DIAPH3: variants seen among roughly 807,000 people sequenced by gnomAD.
DIAPH3 encodes protein diaphanous homolog 3.
Under a neutral mutation model 144.3 loss-of-function variants are expected in DIAPH3, and 117 were observed. The ratio of observed to expected loss-of-function variants is 0.81; its 90% CI spans 0.70 to 0.95. The LOEUF is 0.95. DIAPH3 is among the 40% of genes least tolerant of loss of function. DIAPH3 has a pLI of 0.00. For missense variants in DIAPH3, 1,421 were observed against 1,412.7 expected (o/e 1.01, Z -0.09); for synonymous variants, 519 against 488.9 (o/e 1.06, Z -0.81).
At chr13:59,957,181 G>A (rs2049458104) in intron 17 of DIAPH3, among the ~76,000 whole-genome samples, 1 of 152,130 alleles carries the variant, frequency 6.6e-6, no homozygotes, top group South Asian at 2.1e-4. Context: ...GAAATGTGAG[G>A]ACGTGATATT....
At chr13:59,893,364 T>C (rs1318140316) in intron 20 of DIAPH3, among the ~76,000 whole-genome samples, 1 of 152,162 alleles carries the variant, frequency 6.6e-6, no homozygotes, top group Non-Finnish European at 1.5e-5. Context: ...TAAAATACTA[T>C]AAATGTGATA....
intron 5 of DIAPH3, among the ~76,000 whole-genome samples, chr13:60,028,055 C>T (rs1045778895): frequency 1.3e-5 from 2 of 152,144 alleles, no homozygotes; most frequent in African/African-American, 4.8e-5. Context: ...CTCCACAGAA[C>T]TGCCTTTGTA....
At chr13:59,996,399 G>A (rs2052191017) in intron 9 of DIAPH3, among the ~76,000 whole-genome samples, 1 of 152,030 alleles carries the variant, frequency 6.6e-6, no homozygotes, top group African/African-American at 2.4e-5. Context: ...AGCCAATACT[G>A]TAAGCTCACT....
intron 25 of DIAPH3, among the ~76,000 whole-genome samples, chr13:59,803,265 TA>T (rs1362397398): frequency 2.6e-5 from 4 of 152,140 alleles, no homozygotes; most frequent in Non-Finnish European, 5.9e-5. Context: ...AAATTATGAA[TA>T]AGTGATGTTA....
At chr13:59,683,263 G>C (rs922288774) in intron 27 of DIAPH3, among the ~76,000 whole-genome samples, 3 of 152,078 alleles carry the variant, frequency 2.0e-5, no homozygotes, top group African/African-American at 7.2e-5. Flanking sequence ...TGAGTAGTCA[G>C]TCAAACCTCT....
chr13:59,749,519 CAAAAA>C (rs60918644), intron 27 of DIAPH3, among the ~76,000 whole-genome samples: 1 of 51,230 alleles, frequency 2.0e-5, no homozygotes, highest in Admixed American at 2.5e-4. Context: ...GACTCCATCT[CAAAAA>C]AAAAAAAAAA....
At chr13:59,918,223 A>G (rs78355282) in intron 18 of DIAPH3, among the ~76,000 whole-genome samples, 100 of 150,702 alleles carry the variant, frequency 6.6e-4, no homozygotes, top group Admixed American at 2.1e-3. Context: ...AAAAAAAAAA[A>G]AGAGAGAGAG....
intron 7 of DIAPH3, among the ~76,000 whole-genome samples, chr13:60,013,570 AT>A (rs2053428060): frequency 6.6e-6 from 1 of 152,186 alleles, no homozygotes; most frequent in Non-Finnish European, 1.5e-5. Context: ...CGCAATTAAA[AT>A]TCTCTTCCAT....
intron 9 of DIAPH3, among the ~76,000 whole-genome samples, chr13:59,996,163 A>G (rs979420620): frequency 6.6e-5 from 10 of 152,052 alleles, no homozygotes; most frequent in African/African-American, 2.4e-4. Context: ...AATAGTTTCT[A>G]CAAAGGGATA....
intron 9 of DIAPH3, among the ~76,000 whole-genome samples, chr13:60,003,871 C>T (rs548151382): frequency 7.2e-5 from 11 of 152,140 alleles, no homozygotes; most frequent in Admixed American, 6.5e-4. Context: ...TGGGCCACCA[C>T]GCACGGCCCC....
chr13:59,688,860 T>C (rs577396926), intron 27 of DIAPH3, among the ~76,000 whole-genome samples: 2 of 152,202 alleles, frequency 1.3e-5, no homozygotes, highest in South Asian at 4.1e-4. Flanking sequence ...GCCACACTCA[T>C]GCAGATGAAT....
At chr13:59,843,372 G>C (rs1210284061) in intron 22 of DIAPH3, among the ~76,000 whole-genome samples, 1 of 152,176 alleles carries the variant, frequency 6.6e-6, no homozygotes, top group Non-Finnish European at 1.5e-5. Context: ...ACTGAAGATA[G>C]AGCTACCCCA....
intron 22 of DIAPH3, among the ~76,000 whole-genome samples, chr13:59,852,944 A>T (rs1031868034): frequency 6.6e-6 from 1 of 152,234 alleles, no homozygotes; most frequent in Non-Finnish European, 1.5e-5. Context: ...TATAAGAAAC[A>T]TGGAGAATAT....
At chr13:60,150,190 G>C (rs1351143961) in intron 1 of DIAPH3, among the ~76,000 whole-genome samples, 1 of 151,994 alleles carries the variant, frequency 6.6e-6, no homozygotes, top group Non-Finnish European at 1.5e-5. Context: ...CCAGGCTAAC[G>C]TTTTTGTATT....
intron 22 of DIAPH3, 111 bp from the exon 23 acceptor site, chr13:59,839,559 AT>A (rs2042229254): frequency 1.0e-6 from 1 of 983,068 alleles, no homozygotes; most frequent in African/African-American, 1.7e-5. Context: ...ATGTAAGAAA[AT>A]TCATTATAAA....
At chr13:59,813,227 G>A (rs1006333661) in intron 24 of DIAPH3, among the ~76,000 whole-genome samples, 1 of 151,938 alleles carries the variant, frequency 6.6e-6, no homozygotes, top group African/African-American at 2.4e-5. Flanking sequence ...CCATGAAATG[G>A]TGTCAAGTTA....
At chr13:59,776,068 T>C (rs1472152075) in intron 25 of DIAPH3, among the ~76,000 whole-genome samples, 1 of 152,240 alleles carries the variant, frequency 6.6e-6, no homozygotes, top group African/African-American at 2.4e-5. Context: ...GCTGGTATAC[T>C]GCTACATTTA....
chr13:60,009,883 T>C (rs114906138), intron 8 of DIAPH3, among the ~76,000 whole-genome samples: 282 of 152,364 alleles, frequency 1.9e-3, no homozygotes, highest in African/African-American at 6.5e-3. Context: ...TTTTTATCTT[T>C]TTTAAAAGGC....
intron 27 of DIAPH3, among the ~76,000 whole-genome samples, chr13:59,694,889 A>G (rs1399870405): frequency 1.3e-5 from 2 of 152,182 alleles, no homozygotes; most frequent in Non-Finnish European, 2.9e-5. Flanking sequence ...AAAATACGCA[A>G]CCACCTGGAG....
Sources: allele counts gnomAD v4.1 joint callset (sites outside exome capture counted in the v4.1 genomes callset), GRCh38; gene constraint gnomAD v4.1.1; transcripts MANE v1.5; gene names NCBI Gene and HGNC (gene_info 2026-07-23, HGNC 2026-07-21).